BRD7: variants seen among roughly 807,000 people sequenced by gnomAD.
The protein encoded by BRD7 is bromodomain-containing protein 7.
A neutral mutation model predicts 82.1 loss-of-function variants in BRD7; 15 were observed. The observed-to-expected ratio is 0.18, with a 90% confidence interval of 0.12 to 0.28. The LOEUF (loss-of-function observed/expected upper bound fraction) is 0.28. BRD7 is among the 10% of genes least tolerant of loss of function. The pLI, the probability that BRD7 is intolerant of heterozygous loss-of-function variation, is 1.00. For synonymous variants in BRD7, 232 were observed against 266.9 expected, an observed-to-expected ratio of 0.87 and a Z score of 1.27; for missense variants, 638 against 779.9, an observed-to-expected ratio of 0.82 and a Z score of 2.17.
At chr16:50,355,110 G>T (rs1470323771) in intron 2 of BRD7, among the ~76,000 whole-genome samples, 188 bp from the exon 3 acceptor site, 2 of 151,932 alleles carry the variant, frequency 1.3e-5, no homozygotes, top group African/African-American at 2.4e-5. Context: ...AAACAAAGGG[G>T]GTCTCTATGC....
intron 2 of BRD7, 24 bp downstream of exon 2, chr16:50,368,066 C>G (rs781675783): frequency 6.2e-7 from 1 of 1,613,336 alleles, no homozygotes; most frequent in Non-Finnish European, 8.5e-7. Flanking sequence ...GTCCGCAAAG[C>G]CAAAGCAATG....
At chr16:50,366,730 AGCAGCCTGCTTTGT>A (rs2039161603) in intron 2 of BRD7, among the ~76,000 whole-genome samples, 1 of 152,246 alleles carries the variant, frequency 6.6e-6, no homozygotes, top group Non-Finnish European at 1.5e-5. Context: ...AGAGTGGAGC[AGCAGCCTGCTTTGT>A]GTCAAAAAGC....
intron 12 of BRD7, among the ~76,000 whole-genome samples, chr16:50,322,706 C>T (rs958656362): frequency 1.3e-5 from 2 of 152,182 alleles, no homozygotes; most frequent in African/African-American, 2.4e-5. Context: ...AACACATTGC[C>T]ATATTCACCA....
intron 16 of BRD7, among the ~76,000 whole-genome samples, chr16:50,319,474 AAG>A (rs2036974401): frequency 6.6e-6 from 1 of 152,244 alleles, no homozygotes; most frequent in Non-Finnish European, 1.5e-5. Flanking sequence ...ACAAGATAAA[AAG>A]AAAACTAAGA....
intron 2 of BRD7, 123 bp from the exon 3 acceptor site, chr16:50,355,045 T>C (rs773378541): frequency 8.6e-7 from 1 of 1,160,466 alleles, no homozygotes; most frequent in Non-Finnish European, 1.2e-6. Context: ...ACAAGCTCAA[T>C]GTACTTTACT....
intron 11 of BRD7, 72 bp downstream of exon 11, chr16:50,325,676 T>C: frequency 7.2e-7 from 1 of 1,397,728 alleles, no homozygotes; most frequent in Non-Finnish European, 9.5e-7. Context: ...GCTTTGTCAG[T>C]CTATCCACAA....
chr16:50,340,172 A>G (rs2037987899), intron 5 of BRD7, 86 bp from the exon 6 acceptor site: 1 of 615,354 alleles, frequency 1.6e-6, no homozygotes, highest in Admixed American at 3.0e-5. Flanking sequence ...CAGGTCCTCT[A>G]AAAATTTAAA....
intron 6 of BRD7, among the ~76,000 whole-genome samples, chr16:50,335,216 G>C (rs1413327848): frequency 1.2e-4 from 18 of 152,184 alleles, no homozygotes; most frequent in Non-Finnish European, 2.6e-4. Flanking sequence ...TTAGTTTAAT[G>C]GTGTGTTAAC....
chr16:50,324,146 T>C (rs1951249333), intron 11 of BRD7, among the ~76,000 whole-genome samples: 1 of 152,030 alleles, frequency 6.6e-6, no homozygotes, highest in East Asian at 1.9e-4. Flanking sequence ...CCCCAAGTAA[T>C]GTTCCAAAGC....
intron 5 of BRD7, among the ~76,000 whole-genome samples, chr16:50,340,296 C>T (rs1381631730): frequency 6.6e-6 from 1 of 152,084 alleles, no homozygotes; most frequent in Non-Finnish European, 1.5e-5. Flanking sequence ...TATATTATTT[C>T]CCAAATTCTT....
At chr16:50,332,994 G>T (rs2037635246) in intron 8 of BRD7, among the ~76,000 whole-genome samples, 3 of 152,124 alleles carry the variant, frequency 2.0e-5, no homozygotes, top group Admixed American at 2.0e-4. Context: ...GGGGCAGGGA[G>T]GGAAGGGGGC....
intron 5 of BRD7, among the ~76,000 whole-genome samples, chr16:50,343,210 T>C (rs1215356640): frequency 1.3e-5 from 2 of 152,222 alleles, no homozygotes; most frequent in Non-Finnish European, 2.9e-5. Flanking sequence ...TCATGTTGAA[T>C]TGTAATCCCC....
At chr16:50,339,833 A>T in intron 6 of BRD7, 143 bp downstream of exon 6, 1 of 415,298 alleles carries the variant, frequency 2.4e-6, no homozygotes. Context: ...AATTTTTTTC[A>T]TTTAGTATTT....
intron 8 of BRD7, among the ~76,000 whole-genome samples, chr16:50,331,994 T>C (rs1035290630): frequency 2.6e-5 from 4 of 152,202 alleles, no homozygotes; most frequent in African/African-American, 9.7e-5. Context: ...TAACTCCAAA[T>C]GGATTAAACA....
At chr16:50,349,663 A>C in intron 5 of BRD7, 1 of 465,648 alleles carries the variant, frequency 2.1e-6, no homozygotes, top group South Asian at 1.6e-5. Context: ...CAATATGCAT[A>C]TCTCATATGT....
At position 50,368,231 on chromosome 16, in the gene BRD7, C is replaced by G; in HGVS notation, c.117G>C (p.Thr39=). 2 of 1,614,224 alleles carry G rather than the reference C, an allele frequency of 1.2e-6. No individual in the cohort carries two copies. Among genetic ancestry groups the G allele is most frequent in the Non-Finnish European group, 1.7e-6 (2 of 1,180,042 alleles). The change falls in exon 2 of 17, where the codon ACG becomes ACC. Residue 39 remains threonine (T), a synonymous_variant. Transcript: ENST00000394688. ...VGGNEVTELS[T]GSSGHDSSLF... is the part of the protein sequence containing the mutation. ...GGCTGGAGTCGTGCCCCGAGCTGCCCGTGGAGAGTTCGGTGACTTCGTTCC... is the reference window on the plus strand; with the variant it reads ...GGCTGGAGTCGTGCCCCGAGCTGCCGGTGGAGAGTTCGGTGACTTCGTTCC...
chr16:50,331,944 G>A (rs528514802), intron 8 of BRD7, among the ~76,000 whole-genome samples: 16 of 152,310 alleles, frequency 1.1e-4, no homozygotes, highest in African/African-American at 3.8e-4. Flanking sequence ...ATGTGCAGAA[G>A]AATGAAACTG....
chr16:50,321,273 G>T (rs1287683434), intron 13 of BRD7, among the ~76,000 whole-genome samples: 1 of 152,142 alleles, frequency 6.6e-6, no homozygotes, highest in Non-Finnish European at 1.5e-5. Context: ...TAAAAAGGAT[G>T]GAGTTGGCCT....
chr16:50,342,587 A>T (rs970485928), intron 5 of BRD7, among the ~76,000 whole-genome samples: 12 of 149,356 alleles, frequency 8.0e-5, no homozygotes, highest in Admixed American at 1.3e-4. Flanking sequence ...CACTCAGCCA[A>T]TTTTTTTGTA....
Sources: allele counts gnomAD v4.1 joint callset (sites outside exome capture counted in the v4.1 genomes callset), GRCh38; gene constraint gnomAD v4.1.1; transcripts MANE v1.5; gene names NCBI Gene and HGNC (gene_info 2026-07-23, HGNC 2026-07-21).